Variants in PLAA observed in about 807,000 individuals in gnomAD.
PLAA encodes the protein phospholipase A2 activating protein, also known as phospholipase A-2-activating protein.
A neutral mutation model predicts 84.1 loss-of-function variants in PLAA; 48 were observed. That is an observed-to-expected ratio of 0.57 (90% CI 0.45 to 0.73). The LOEUF is 0.73. Ranked by LOEUF, PLAA falls within the 30% of genes least tolerant of loss-of-function variation. PLAA has a pLI of 0.00. For synonymous variants in PLAA, 392 were observed against 336.6 expected (o/e 1.16, Z -1.80); for missense variants, 903 against 954.7 (o/e 0.95, Z 0.71).
At chr9:26,936,317 G>A (rs1471312803) in intron 1 of PLAA, among the ~76,000 whole-genome samples, 2 of 152,078 alleles carry the variant, frequency 1.3e-5, no homozygotes, top group Non-Finnish European at 2.9e-5. Context: ...AGGGCCTTAG[G>A]AGACCTGAGT....
chr9:26,938,083 C>A (rs1587189278), intron 1 of PLAA, among the ~76,000 whole-genome samples: 1 of 152,104 alleles, frequency 6.6e-6, no homozygotes, highest in African/African-American at 2.4e-5. Context: ...TCAAAGAGAC[C>A]CACACCAAGT....
At chr9:26,942,500 C>T (rs1043189052) in intron 1 of PLAA, among the ~76,000 whole-genome samples, 2 of 152,040 alleles carry the variant, frequency 1.3e-5, no homozygotes, top group Admixed American at 6.6e-5. Flanking sequence ...AAATGAAAAC[C>T]AAAATAAAAC....
Position 26,905,890 on chromosome 9 carries a change from T to C in PLAA, c.2009A>G (p.Gln670Arg), listed in dbSNP as rs1824219472. 2.5e-6 allele frequency: 4 copies of C among 1,614,200 alleles called. No individual in the cohort carries two copies. Among genetic ancestry groups the C allele is most frequent in the Non-Finnish European group, 3.4e-6 (4 of 1,180,042 alleles). Residue 670 changes from glutamine to arginine, a missense_variant, in exon 14 of 14, where the codon CAG (glutamine) becomes CGG (arginine). Gln to Arg is a conservative substitution (Grantham distance 43). Coordinates refer to ENST00000397292, the MANE Select transcript of PLAA (RefSeq NM_001031689.3). Reference sequence around the variant, plus strand: ...GGACATCATGAGTTTTTGTCCTGCCTGGCCAACAAAACAATTGCAAAAAGT... The same window carrying C: ...GGACATCATGAGTTTTTGTCCTGCCCGGCCAACAAAACAATTGCAAAAAGT... ...LRTFCNCFVG[Q>R]AGQKLMMSQR...
intron 10 of PLAA, chr9:26,916,258 C>T (rs577965575): frequency 4.1e-6 from 4 of 985,348 alleles, no homozygotes; most frequent in East Asian, 1.1e-4. Flanking sequence ...CCAGTGGATA[C>T]CTAAACGCTA....
intron 10 of PLAA, among the ~76,000 whole-genome samples, chr9:26,916,891 CT>C (rs1354257370): frequency 2.0e-5 from 3 of 150,056 alleles, no homozygotes; most frequent in Non-Finnish European, 4.4e-5. Flanking sequence ...TAATAATATG[CT>C]ATTTAAAAGT....
intron 4 of PLAA, among the ~76,000 whole-genome samples, chr9:26,927,127 C>CTTTCTTTTTT (rs1554659723): frequency 1.5e-5 from 2 of 136,784 alleles, no homozygotes; most frequent in African/African-American, 5.6e-5. Flanking sequence ...TTTTGTTTTT[C>CTTTCTTTTTT]TTTTTTTTTT....
intron 11 of PLAA, 110 bp from the exon 12 acceptor site, chr9:26,910,549 G>A (rs10967593): frequency 0.052 from 33,325 of 636,440 alleles, 1,039 homozygotes; most frequent in South Asian, 0.11. Flanking sequence ...ACTATTCAGT[G>A]CGTGCAATAA....
At chr9:26,914,915 C>T (rs1824502192) in intron 10 of PLAA, among the ~76,000 whole-genome samples, 1 of 152,124 alleles carries the variant, frequency 6.6e-6, no homozygotes, top group South Asian at 2.1e-4. Context: ...ACTTGGGGAA[C>T]TTTAAAAAAT....
chr9:26,917,850 G>A (rs907287724), intron 9 of PLAA, among the ~76,000 whole-genome samples: 44 of 152,232 alleles, frequency 2.9e-4, no homozygotes, highest in African/African-American at 1.0e-3. Context: ...TGCTGAAAAA[G>A]TTAAGAGTCT....
At position 26,946,813 on chromosome 9, in the gene PLAA, A is replaced by G. The variant is rs1167961102; in HGVS notation, c.149+84T>C. ...AAGGCTGGGGGGAGAGAGAGACGGC[A>G]GGACTGACAGGGAAGGGTCACTCTC... On this transcript the variant is annotated intron_variant, in intron 1 of 13. Coordinates refer to ENST00000397292, the MANE Select transcript of PLAA (RefSeq NM_001031689.3). 12 of 1,420,076 alleles carry G rather than the reference A, an allele frequency of 8.5e-6. No individual in the cohort carries two copies. In the East Asian group the frequency reaches 2.8e-4, roughly 33 times the overall value. The allele number at this position is 1,420,076 out of a possible 1,614,324, so 88.0% of individuals were successfully genotyped here. A position where few individuals can be genotyped will look rare whatever the true frequency, so the allele number is the denominator to read the frequency against.
intron 1 of PLAA, among the ~76,000 whole-genome samples, chr9:26,942,164 A>G (rs1289951039): frequency 6.6e-6 from 1 of 152,254 alleles, no homozygotes; most frequent in Non-Finnish European, 1.5e-5. Context: ...TAAAACATTT[A>G]TTACTGATGC....
chr9:26,923,148 T>G, intron 7 of PLAA, 30 bp downstream of exon 7: 1 of 1,480,992 alleles, frequency 6.8e-7, no homozygotes, highest in Non-Finnish European at 9.1e-7. Flanking sequence ...TATGGTGAAT[T>G]TTTTCTACTA....
chr9:26,910,350 T>C lies in PLAA; in HGVS notation c.1645A>G (p.Thr549Ala), dbSNP rs533908233. 2 of 1,607,766 alleles carry C rather than the reference T, an allele frequency of 1.2e-6. No individual in the cohort carries two copies. Among genetic ancestry groups the C allele is most frequent in the Non-Finnish European group, 1.7e-6 (2 of 1,174,426 alleles). Residue 549 changes from threonine to alanine, a missense_variant, in exon 12 of 14, where the codon ACA becomes GCA. Coordinates refer to ENST00000397292, the MANE Select transcript of PLAA (RefSeq NM_001031689.3). ...EAVTFDQANP[T>A]QILGKLKELN... ...TAAAGAAACTTACCTAATATTTGTG[T>C]AGGGTTTGCTTGGTCAAATGTGACA...
intron 7 of PLAA, among the ~76,000 whole-genome samples, chr9:26,921,895 T>C (rs895614895): frequency 5.3e-5 from 8 of 152,224 alleles, no homozygotes; most frequent in African/African-American, 1.9e-4. Context: ...TGGAGATACA[T>C]TTTTCCTACA....
chr9:26,903,839 C>T lies in PLAA; in HGVS notation c.*1672G>A, dbSNP rs1283157639. 6.6e-6 allele frequency among the ~76,000 whole-genome samples: 1 copy of T among 152,168 alleles called. No homozygotes were observed. Among genetic ancestry groups the T allele is most frequent in the Admixed American group, 6.5e-5 (1 of 15,280 alleles). On this transcript the variant is annotated 3_prime_UTR_variant, in exon 14 of 14. Transcript: ENST00000397292. ...CCCCTTACATTTTGAAGAGGGAACT[C>T]ATATTCTTAACCAAGACTGTTTCTT...
chr9:26,946,878 C>G lies in PLAA; in HGVS notation c.149+19G>C. The stretch of plus-strand genomic sequence containing the variant: ...GAAGCGTGCAACACAGCCGGGGCAA[C>G]CCGACTCCCAGCGCTCACCTGTCTG... On this transcript the variant is annotated intron_variant, in intron 1 of 13. Coordinates refer to ENST00000397292, the MANE Select transcript of PLAA (RefSeq NM_001031689.3). The G allele has an allele frequency of 6.4e-7, 1 of 1,561,930 alleles. No individual in the cohort carries two copies. The highest frequency in any genetic ancestry group is 1.2e-5 in the South Asian group (1 of 84,168).
chr9:26,931,313 G>A (rs1439424883), intron 2 of PLAA, among the ~76,000 whole-genome samples: 3 of 152,148 alleles, frequency 2.0e-5, no homozygotes, highest in Non-Finnish European at 4.4e-5. Flanking sequence ...AAGTCTTGGC[G>A]ATCAAATGCA....
chr9:26,932,477 G>A (rs1825218320), intron 2 of PLAA, among the ~76,000 whole-genome samples: 1 of 152,192 alleles, frequency 6.6e-6, no homozygotes, highest in African/African-American at 2.4e-5. Context: ...ACACAGACAT[G>A]CTCATTCATT....
intron 9 of PLAA, among the ~76,000 whole-genome samples, chr9:26,919,041 A>G (rs1451965401): frequency 6.6e-6 from 1 of 152,252 alleles, no homozygotes; most frequent in Non-Finnish European, 1.5e-5. Flanking sequence ...AACACTATAT[A>G]AAAGAACTTA....
Sources: allele counts gnomAD v4.1 joint callset (sites outside exome capture counted in the v4.1 genomes callset), GRCh38; gene constraint gnomAD v4.1.1; transcripts MANE v1.5; gene names NCBI Gene and HGNC (gene_info 2026-07-23, HGNC 2026-07-21).